Variants in KIDINS220 observed in about 807,000 individuals in gnomAD.
KIDINS220 encodes kinase D-interacting substrate of 220 kDa.
Under a neutral mutation model 157.6 loss-of-function variants are expected in KIDINS220, and 63 were observed. That is an observed-to-expected ratio of 0.40 (90% CI 0.33 to 0.49). The LOEUF (loss-of-function observed/expected upper bound fraction) is 0.49. KIDINS220 is among the 20% of genes least tolerant of loss of function. KIDINS220 has a pLI of 0.66. For synonymous variants in KIDINS220, 732 were observed against 783.6 expected (o/e 0.93, Z 1.10); for missense variants, 1,772 against 2,171.2 (o/e 0.82, Z 3.65).
At chr2:8,796,742 A>G (rs2148302751) in intron 11 of KIDINS220, 29 bp downstream of exon 11, 1 of 1,542,358 alleles carries the variant, frequency 6.5e-7, no homozygotes, top group Non-Finnish European at 9.0e-7. Context: ...AGCTTTCCAT[A>G]CAGTGTTCTC....
chr2:8,826,246 T>C (rs903561154), intron 2 of KIDINS220, among the ~76,000 whole-genome samples: 3 of 152,216 alleles, frequency 2.0e-5, no homozygotes, highest in Admixed American at 1.3e-4. Context: ...CTAATAAAGA[T>C]GTAGGGTTTT....
intron 27 of KIDINS220, 44 bp from the exon 28 acceptor site, chr2:8,734,797 G>T: frequency 7.5e-7 from 1 of 1,329,954 alleles, no homozygotes; most frequent in Non-Finnish European, 1.1e-6. Flanking sequence ...GACAGAATGT[G>T]AAATATTCTG....
chr2:8,827,125 A>T lies in KIDINS220; in HGVS notation c.-32T>A. ...AGAAAGCTGCAATTAACTTTATTTG[A>T]ATACCTGTTAAATTAGACAAAATAC... On this transcript the variant is annotated 5_prime_UTR_variant, in exon 2 of 30. Coordinates refer to ENST00000256707, the MANE Select transcript of KIDINS220 (RefSeq NM_020738.4). 8.4e-7 allele frequency: 1 copy of T among 1,188,506 alleles called. No homozygotes were observed. Among genetic ancestry groups the T allele is most frequent in the South Asian group, 1.3e-5 (1 of 75,790 alleles). The allele number at this position is 1,188,506 out of a possible 1,614,324, so 73.6% of individuals were successfully genotyped here.
In KIDINS220 at chr2:8,730,619, G is replaced by A; in HGVS notation, c.*101C>T. 1.4e-6 allele frequency: 2 copies of A among 1,471,958 alleles called. No homozygotes were observed. The highest frequency in any genetic ancestry group is 1.4e-5 in the South Asian group (1 of 69,294). The allele number at this position is 1,471,958 out of a possible 1,614,324, so 91.2% of individuals were successfully genotyped here. On this transcript the variant is annotated 3_prime_UTR_variant, in exon 30 of 30. Transcript: ENST00000256707. The stretch of plus-strand genomic sequence containing the variant: ...CGGCCTCATCATCGGTTAGTTATCT[G>A]TCAGCAAAATGTAGAAAGGTGATGG...
At chr2:8,801,438 T>G (rs950148103) in intron 8 of KIDINS220, among the ~76,000 whole-genome samples, 1 of 152,148 alleles carries the variant, frequency 6.6e-6, no homozygotes, top group Non-Finnish European at 1.5e-5. Context: ...TTAACATGGG[T>G]GCAGACTAGT....
intron 8 of KIDINS220, among the ~76,000 whole-genome samples, chr2:8,802,237 A>C (rs1021169359): frequency 6.6e-6 from 1 of 152,232 alleles, no homozygotes; most frequent in African/African-American, 2.4e-5. Flanking sequence ...GACTTTAAAC[A>C]AAGAAGTACA....
rs185599791 is a variant in KIDINS220 at position 8,827,598 on chromosome 2, C to T, written c.-36-469G>A. ...ACCACTTCATCACTGCCACCCTGGA[C>T]GAGCCACCGTGACTCACCTGCGTCA... On this transcript the variant is annotated intron_variant, in intron 1 of 29. Transcript: ENST00000256707. Among the ~76,000 whole-genome samples, 21 of 152,272 alleles carry T rather than the reference C, an allele frequency of 1.4e-4. No individual in the cohort carries two copies. The East Asian group carries it at 2.7e-3, about 20-fold the overall frequency.
At chr2:8,751,225 A>C (rs1667312543) in intron 23 of KIDINS220, among the ~76,000 whole-genome samples, 1 of 151,322 alleles carries the variant, frequency 6.6e-6, no homozygotes, top group South Asian at 2.1e-4. Flanking sequence ...GATCATAATA[A>C]AGTGAGATCC....
chr2:8,755,531 G>T (rs1020258473), intron 22 of KIDINS220, among the ~76,000 whole-genome samples: 1 of 152,160 alleles, frequency 6.6e-6, no homozygotes, highest in Non-Finnish European at 1.5e-5. Context: ...GCACACAAAG[G>T]TGTTCTTCCT....
At position 8,731,380 on chromosome 2, in the gene KIDINS220, C is replaced by A; in HGVS notation, c.4656G>T (p.Val1552=). The change falls in exon 30 of 30, where the codon GTG becomes GTT. Residue 1552 remains valine, a synonymous_variant. Transcript: ENST00000256707. This position sits in a 1 kb window ranked among gnomAD's most constrained non-coding sequence, Gnocchi z 5.2. ...DRKAEGKVER[V]PKSPEHSAEP... is the part of the protein sequence containing the mutation. ...CAGCACTGTGTTCTGGAGACTTCGG[C>A]ACTCTCTCTACTTTCCCTTCGGCTT... 1.9e-6 allele frequency: 3 copies of A among 1,614,198 alleles called. No homozygotes were observed. Among genetic ancestry groups the A allele is most frequent in the Non-Finnish European group, 2.5e-6 (3 of 1,180,034 alleles).
chr2:8,829,668 C>T (rs948642118), intron 1 of KIDINS220, among the ~76,000 whole-genome samples: 1 of 151,966 alleles, frequency 6.6e-6, no homozygotes, highest in Non-Finnish European at 1.5e-5. Context: ...AGCATCTCAG[C>T]TATTTTAAAT....
intron 1 of KIDINS220, among the ~76,000 whole-genome samples, chr2:8,833,006 C>T (rs1679875717): frequency 6.6e-6 from 1 of 151,910 alleles, no homozygotes; most frequent in Non-Finnish European, 1.5e-5. Flanking sequence ...TTAGGATATC[C>T]ATCACCTCAA....
intron 1 of KIDINS220, among the ~76,000 whole-genome samples, chr2:8,832,542 A>G (rs1679800713): frequency 6.6e-6 from 1 of 152,232 alleles, no homozygotes. Flanking sequence ...AACAAAAAGA[A>G]AAGTGTGGAA....
At chr2:8,736,001 G>A (rs955493621) in intron 27 of KIDINS220, among the ~76,000 whole-genome samples, 10 of 152,204 alleles carry the variant, frequency 6.6e-5, no homozygotes, top group African/African-American at 2.4e-4. Context: ...TGGAAAAGCC[G>A]GTGTTTGACT....
At position 8,776,545 on chromosome 2, in the gene KIDINS220, A is replaced by G. The variant is rs114437397; in HGVS notation, c.2848+203T>C. Among the ~76,000 whole-genome samples, 1,019 of 152,360 alleles carry G rather than the reference A, an allele frequency of 6.7e-3. 19 individuals carry two copies. The highest frequency in any genetic ancestry group is 0.023 in the African/African-American group (966 of 41,584). On this transcript the variant is annotated intron_variant, in intron 21 of 29. Transcript: ENST00000256707. ...AATAATAAAGTTTTAAAATAATGGT[A>G]TACAGCCGACAGTTGATAATATCAG...
chr2:8,799,894 T>C (rs181544193), intron 9 of KIDINS220, among the ~76,000 whole-genome samples: 73 of 152,348 alleles, frequency 4.8e-4, no homozygotes, highest in Admixed American at 1.7e-3. Flanking sequence ...TAATAATCTT[T>C]GTGGTTCTAT....
intron 8 of KIDINS220, among the ~76,000 whole-genome samples, chr2:8,801,062 C>T (rs1674624290): frequency 6.6e-6 from 1 of 152,150 alleles, no homozygotes; most frequent in African/African-American, 2.4e-5. Flanking sequence ...CATTCCCCAG[C>T]ATAAGACTAA....
Position 8,734,716 on chromosome 2 carries a change from A to G in KIDINS220, c.3755T>C (p.Ile1252Thr), listed in dbSNP as rs1664627078. The change falls in exon 28 of 30, where the codon ATT becomes ACT. Residue 1252 changes from isoleucine to threonine, a missense_variant. By Grantham distance (89) the Ile-to-Thr change is moderately conservative. Around this residue, in one of 3 missense-constraint regions of KIDINS220, gnomAD observed 793 missense variants for 885.5 expected, o/e 0.90. Coordinates refer to ENST00000256707, the MANE Select transcript of KIDINS220 (RefSeq NM_020738.4). ...ATTCATCTCTTTCTTCAGCTCATCAATGTTACACTGAGCTAACACACGGCC... is the reference window on the plus strand; with the variant it reads ...ATTCATCTCTTTCTTCAGCTCATCAGTGTTACACTGAGCTAACACACGGCC... ...INGRVLAQCNIDELKKEMNMN... is the reference protein window; with the variant it reads ...INGRVLAQCNTDELKKEMNMN... 1.2e-6 allele frequency: 2 copies of G among 1,613,504 alleles called. No individual in the cohort carries two copies. Among genetic ancestry groups the G allele is most frequent in the African/African-American group, 1.3e-5 (1 of 74,928 alleles).
intron 2 of KIDINS220, 123 bp from the exon 3 acceptor site, chr2:8,818,916 T>A (rs1324009613): frequency 4.4e-6 from 2 of 450,516 alleles, no homozygotes; most frequent in African/African-American, 2.0e-5. Flanking sequence ...GTGTTTACTA[T>A]ATTTAATTTA....
Sources: gnomAD v4.1 joint callset for allele counts (sites outside exome capture counted in the v4.1 genomes callset) on GRCh38, gnomAD v4.1.1 for gene constraint, gnomAD v4.1.1 regional missense constraint, Gnocchi (gnomAD v3.1) non-coding constraint, MANE v1.5 for transcripts, NCBI Gene and HGNC (gene_info 2026-07-23, HGNC 2026-07-21) for gene names.